The following KAZN variants were observed in gnomAD, a reference collection of about 807,000 sequenced individuals.
KAZN encodes the protein kazrin.
KAZN carries 40 observed loss-of-function variants against 87.4 expected under a neutral mutation model. That is an observed-to-expected ratio of 0.46 (90% CI 0.36 to 0.60). The LOEUF (loss-of-function observed/expected upper bound fraction) is 0.60, where lower values mean the gene tolerates loss of function less well. Among genes scored for constraint, KAZN ranks in the 20% least tolerant of loss-of-function variants. The probability of loss-of-function intolerance (pLI) is 0.00; values close to 1 mark genes in which losing one functional copy is unlikely to be tolerated. For missense variants in KAZN, 898 were observed against 1,073.9 expected (o/e 0.84, Z 2.29); for synonymous variants, 466 against 458.3 (o/e 1.02, Z -0.22).
chr1:14,819,789 C>A (rs1646684378), intron 1 of KAZN, among the ~76,000 whole-genome samples: 1 of 144,920 alleles, frequency 6.9e-6, no homozygotes, highest in Non-Finnish European at 1.5e-5. Context: ...CTCATTGCAA[C>A]CTCCGTCTCC....
chr1:14,831,569 A>G (rs1173948993), intron 1 of KAZN, among the ~76,000 whole-genome samples: 1 of 152,250 alleles, frequency 6.6e-6, no homozygotes, highest in Non-Finnish European at 1.5e-5. Flanking sequence ...GCACACCACC[A>G]TGAAGGCATT....
intron 1 of KAZN, among the ~76,000 whole-genome samples, chr1:14,803,274 G>T (rs921704134): frequency 6.6e-6 from 1 of 152,210 alleles, no homozygotes; most frequent in African/African-American, 2.4e-5. Flanking sequence ...CCCAGGTGGG[G>T]ATTAGCGGAG....
At chr1:14,274,356 A>T (rs982936324) in intron 2 of KAZN, among the ~76,000 whole-genome samples, 3 of 151,912 alleles carry the variant, frequency 2.0e-5, no homozygotes, top group Non-Finnish European at 2.9e-5. Context: ...TTCACCAAAC[A>T]CACCACCCTC....
chr1:14,779,732 G>T (rs1052552034), intron 1 of KAZN, among the ~76,000 whole-genome samples: 1 of 152,134 alleles, frequency 6.6e-6, no homozygotes, highest in African/African-American at 2.4e-5. Context: ...CTGGGATTAA[G>T]GCTCAGTGTA....
chr1:14,748,921 G>A (rs1435215322), intron 1 of KAZN, among the ~76,000 whole-genome samples: 4 of 152,170 alleles, frequency 2.6e-5, no homozygotes, highest in Non-Finnish European at 4.4e-5. Context: ...AGTGAGCCAC[G>A]AATTTGAGAA....
chr1:14,412,847 A>C (rs1664415337), intron 2 of KAZN, among the ~76,000 whole-genome samples: 1 of 151,320 alleles, frequency 6.6e-6, no homozygotes, highest in Admixed American at 6.6e-5. Context: ...CTGCCTGGAT[A>C]TCAAGATATC....
chr1:15,067,399 A>G lies in KAZN; in HGVS notation c.1222+1646A>G, dbSNP rs1199523861. The G allele has an allele frequency of 5.1e-6, 5 of 985,392 alleles. No individual in the cohort carries two copies. The African/African-American group carries it at 8.7e-5, about 17-fold the overall frequency. The allele number at this position is 985,392 out of a possible 1,614,324, so 61.0% of individuals were successfully genotyped here. A position where few individuals can be genotyped will look rare whatever the true frequency, so the allele number is the denominator to read the frequency against. ...GCGTTGGCCCCAAAGAGGCTTCACC[A>G]GCAAAGGAACTGTGTGTATTTTAAT... is the stretch of plus-strand genomic sequence containing the variant. On this transcript the variant is annotated intron_variant, in intron 8 of 14. Coordinates refer to ENST00000376030, the MANE Select transcript of KAZN (RefSeq NM_201628.3).
chr1:14,895,180 A>G (rs1389504315), intron 1 of KAZN, among the ~76,000 whole-genome samples: 2 of 152,022 alleles, frequency 1.3e-5, no homozygotes, highest in Non-Finnish European at 2.9e-5. Flanking sequence ...TTTTCCCCCA[A>G]CGTGGGGCAA....
At chr1:14,597,949 T>A (rs1676613220), upstream of KAZN, among the ~76,000 whole-genome samples, 1 of 152,122 alleles carries the variant, frequency 6.6e-6, no homozygotes, top group African/African-American at 2.4e-5. Context: ...GCTCAACTCT[T>A]CTGCTCCCAG....
chr1:14,297,069 T>C (rs1386064928), intron 2 of KAZN, among the ~76,000 whole-genome samples: 1 of 152,164 alleles, frequency 6.6e-6, no homozygotes, highest in East Asian at 1.9e-4. Context: ...CTGAGTCATG[T>C]ATCAATTAGC....
chr1:14,849,270 A>T (rs1408911782), intron 1 of KAZN, among the ~76,000 whole-genome samples: 5 of 152,198 alleles, frequency 3.3e-5, no homozygotes, highest in African/African-American at 1.2e-4. Flanking sequence ...TCACTGCCAC[A>T]CTGAGGTTCC....
intron 1 of KAZN, among the ~76,000 whole-genome samples, chr1:14,660,769 C>A (rs1342715975): frequency 6.6e-6 from 1 of 152,092 alleles, no homozygotes; most frequent in African/African-American, 2.4e-5. Context: ...AATAACCAGG[C>A]GGCTGTGATT....
chr1:14,760,529 A>G (rs1644710707), intron 1 of KAZN, among the ~76,000 whole-genome samples: 1 of 152,214 alleles, frequency 6.6e-6, no homozygotes, highest in South Asian at 2.1e-4. Context: ...GCAATCCAGC[A>G]GCCTCCTCTC....
chr1:14,215,478 A>T (rs937468538), intron 2 of KAZN, among the ~76,000 whole-genome samples: 2 of 152,170 alleles, frequency 1.3e-5, no homozygotes, highest in Admixed American at 1.3e-4. Context: ...ACAACTGGGG[A>T]TTCAAAGGTC....
intron 1 of KAZN, among the ~76,000 whole-genome samples, chr1:13,958,928 A>C (rs1436809933): frequency 6.6e-6 from 1 of 152,126 alleles, no homozygotes; most frequent in Admixed American, 6.5e-5. Context: ...GTGAGGTCTG[A>C]CCGCAGCTAA....
chr1:14,249,715 T>TA (rs898994680), intron 2 of KAZN, among the ~76,000 whole-genome samples: 31 of 152,208 alleles, frequency 2.0e-4, no homozygotes, highest in African/African-American at 7.2e-4. Flanking sequence ...ATTCCATACC[T>TA]ATGGCTGTGG....
chr1:14,839,460 C>G (rs951215467), intron 1 of KAZN, among the ~76,000 whole-genome samples: 1 of 152,086 alleles, frequency 6.6e-6, no homozygotes, highest in Non-Finnish European at 1.5e-5. Context: ...ATAAATGAAG[C>G]GCACCCAGAA....
At chr1:14,165,487 T>C (rs1431502860) in intron 1 of KAZN, among the ~76,000 whole-genome samples, 1 of 152,212 alleles carries the variant, frequency 6.6e-6, no homozygotes, top group African/African-American at 2.4e-5. Flanking sequence ...TCTCTGAGAA[T>C]TTCTAATTCT....
Position 14,579,687 on chromosome 1 carries a change from G to GA in KAZN, c.250-19287dup, listed in dbSNP as rs1006069459. Among the ~76,000 whole-genome samples, 56 of 150,782 alleles carry GA rather than the reference G, an allele frequency of 3.7e-4. 1 individual carries two copies. Among genetic ancestry groups the GA allele is most frequent in the Admixed American group, 1.3e-3 (20 of 15,148 alleles). On this transcript the variant is annotated intron_variant, in intron 2 of 16. Transcript: ENST00000636203. ...GTAAGCATACTATTTGACCACTGCT[G>GA]AAAAAAAAATTTTTTTAGCATGCCT...
Sources: allele counts gnomAD v4.1 joint callset (sites outside exome capture counted in the v4.1 genomes callset), GRCh38; gene constraint gnomAD v4.1.1; transcripts MANE v1.5; gene names NCBI Gene and HGNC (gene_info 2026-07-23, HGNC 2026-07-21).